The following LRCH1 variants were observed in gnomAD, a reference collection of about 807,000 sequenced individuals.
LRCH1 encodes the protein leucine-rich repeat and calponin homology domain-containing protein 1.
In LRCH1, 23 loss-of-function variants were observed where a neutral mutation model predicts 94.9. That is an observed-to-expected ratio of 0.24 (90% CI 0.17 to 0.34). LRCH1 has a LOEUF of 0.34. Among genes scored for constraint, LRCH1 ranks in the 10% least tolerant of loss-of-function variants. LRCH1 has a pLI of 1.00. For synonymous variants in LRCH1, 364 were observed against 354.9 expected, an observed-to-expected ratio of 1.03 and a Z score of -0.29; for missense variants, 790 against 945.9, an observed-to-expected ratio of 0.84 and a Z score of 2.16.
At chr13:46,560,051 T>C (rs1326394619) in intron 1 of LRCH1, among the ~76,000 whole-genome samples, 1 of 150,500 alleles carries the variant, frequency 6.6e-6, no homozygotes, top group African/African-American at 2.4e-5. Flanking sequence ...TATATGTACA[T>C]AGACTTTTTC....
intron 16 of LRCH1, among the ~76,000 whole-genome samples, chr13:46,722,514 A>T (rs1282086872): frequency 6.6e-6 from 1 of 152,200 alleles, no homozygotes; most frequent in African/African-American, 2.4e-5. Flanking sequence ...AGGGAAGGGC[A>T]TGTGTTTTCT....
intron 1 of LRCH1, among the ~76,000 whole-genome samples, chr13:46,609,856 C>T (rs2050728180): frequency 6.6e-6 from 1 of 152,128 alleles, no homozygotes; most frequent in South Asian, 2.1e-4. Context: ...AGCCTGGGCT[C>T]AGGGGCTGCC....
At chr13:46,745,344 A>T (rs1250753251), downstream of LRCH1, among the ~76,000 whole-genome samples, 1 of 151,976 alleles carries the variant, frequency 6.6e-6, no homozygotes, top group Non-Finnish European at 1.5e-5. Context: ...GAGGAATTCA[A>T]GTGATAAGGA....
intron 1 of LRCH1, among the ~76,000 whole-genome samples, chr13:46,573,324 C>T (rs2050261369): frequency 6.6e-6 from 1 of 152,142 alleles, no homozygotes; most frequent in South Asian, 2.1e-4. Context: ...GAAGGCTGGA[C>T]TCTGTGCTGG....
chr13:46,734,436 G>A (rs905409405), intron 19 of LRCH1, among the ~76,000 whole-genome samples: 7 of 151,902 alleles, frequency 4.6e-5, no homozygotes, highest in Non-Finnish European at 1.0e-4. Flanking sequence ...TTCCATATGT[G>A]GATAAAAAAA....
intron 16 of LRCH1, among the ~76,000 whole-genome samples, chr13:46,718,193 C>G: frequency 6.6e-6 from 1 of 152,144 alleles, no homozygotes; most frequent in East Asian, 1.9e-4. Context: ...TTTGTAGGTG[C>G]TAATTTATAC....
At chr13:46,649,666 T>C (rs2051266840) in intron 1 of LRCH1, among the ~76,000 whole-genome samples, 2 of 152,156 alleles carry the variant, frequency 1.3e-5, no homozygotes, top group East Asian at 1.9e-4. Flanking sequence ...GTAAAAGACA[T>C]GTTCCTACAA....
intron 19 of LRCH1, among the ~76,000 whole-genome samples, chr13:46,739,870 C>T (rs555337013): frequency 6.6e-6 from 1 of 152,230 alleles, no homozygotes; most frequent in African/African-American, 2.4e-5. Flanking sequence ...GTGTTGCCTG[C>T]CCCCATGAGG....
chr13:46,673,986 TGGCCA>T (rs2051638221), intron 3 of LRCH1, among the ~76,000 whole-genome samples: 1 of 152,184 alleles, frequency 6.6e-6, no homozygotes, highest in Non-Finnish European at 1.5e-5. Flanking sequence ...TTCACTGTGT[TGGCCA>T]GGCTGCTGTC....
Position 46,603,053 on chromosome 13 carries a change from T to G in LRCH1, c.308-47148T>G, listed in dbSNP as rs551481687. Among the ~76,000 whole-genome samples the G allele has an allele frequency of 3.3e-5, 5 of 152,262 alleles. No homozygotes were observed. In the East Asian group the frequency reaches 9.7e-4, roughly 29 times the overall value. ...TCTTGTCAGATAAATGGCTGTATCT[T>G]TATAATAAGATATCTGTATCCTGTG... On this transcript the variant is annotated intron_variant, in intron 1 of 19. Coordinates refer to ENST00000389797, the MANE Select transcript of LRCH1 (RefSeq NM_001164211.2).
intron 1 of LRCH1, 44 bp downstream of exon 1, chr13:46,553,747 G>A (rs928971332): frequency 6.3e-7 from 1 of 1,594,066 alleles, no homozygotes; most frequent in African/African-American, 1.3e-5. Flanking sequence ...GGTGCTGTCT[G>A]GGTGTCTGTC....
chr13:46,572,813 A>G (rs1270152254), intron 1 of LRCH1, among the ~76,000 whole-genome samples: 1 of 152,084 alleles, frequency 6.6e-6, no homozygotes, highest in East Asian at 1.9e-4. Context: ...AATATTTATT[A>G]TCTAGTGTGA....
At chr13:46,627,215 TCA>T (rs1254669357) in intron 1 of LRCH1, among the ~76,000 whole-genome samples, 2 of 152,216 alleles carry the variant, frequency 1.3e-5, no homozygotes, top group Non-Finnish European at 2.9e-5. Flanking sequence ...AGACATGTAA[TCA>T]CACAATGCTT....
intron 3 of LRCH1, among the ~76,000 whole-genome samples, chr13:46,672,036 C>T (rs1375720251): frequency 6.6e-6 from 1 of 152,194 alleles, no homozygotes; most frequent in African/African-American, 2.4e-5. Context: ...CCTACAAATC[C>T]TCTGTGTCAT....
rs1406644768 is a variant in LRCH1, at chr13:46,652,394, T to TG, written c.452+2050dup. On this transcript the variant is annotated intron_variant, in intron 2 of 19. Transcript: ENST00000389797. ...TCTGGCCAAGTGTATTTGTTTTTTTTGTTTTTTTTTTTGTCAGGGTTGAAA... is the reference window on the plus strand; with the variant it reads ...TCTGGCCAAGTGTATTTGTTTTTTTTGGTTTTTTTTTTTGTCAGGGTTGAAA... 1.0e-4 allele frequency among the ~76,000 whole-genome samples: 7 copies of TG among 68,908 alleles called. No homozygotes were observed. The South Asian group carries it at 2.7e-3, about 27-fold the overall frequency. 45.2% of individuals were successfully genotyped at this position (68,908 alleles called of 152,430 possible).
intron 2 of LRCH1, among the ~76,000 whole-genome samples, chr13:46,659,341 C>T (rs956113283): frequency 1.3e-5 from 2 of 152,036 alleles, no homozygotes; most frequent in Admixed American, 6.5e-5. Context: ...TACAGGCTCC[C>T]GCCACCATGC....
intron 9 of LRCH1, among the ~76,000 whole-genome samples, chr13:46,697,988 G>A (rs879000024): frequency 2.0e-5 from 3 of 152,154 alleles, no homozygotes; most frequent in Non-Finnish European, 4.4e-5. Context: ...GTAAGAACAC[G>A]TTGTCTTGGT....
chr13:46,670,826 G>GGGACAC (rs1354195591), intron 3 of LRCH1, among the ~76,000 whole-genome samples: 2 of 152,010 alleles, frequency 1.3e-5, no homozygotes, highest in Non-Finnish European at 2.9e-5. Flanking sequence ...AAAGAAGTCA[G>GGGACAC]GGACAGGGAA....
intron 16 of LRCH1, among the ~76,000 whole-genome samples, chr13:46,716,261 T>A (rs1872315275): frequency 6.6e-6 from 1 of 152,130 alleles, no homozygotes; most frequent in African/African-American, 2.4e-5. Context: ...GGCCTGAGAA[T>A]CAAATGTGTA....
Sources: gnomAD v4.1 joint callset for allele counts (sites outside exome capture counted in the v4.1 genomes callset) on GRCh38, gnomAD v4.1.1 for gene constraint, MANE v1.5 for transcripts, NCBI Gene and HGNC (gene_info 2026-07-23, HGNC 2026-07-21) for gene names.